Variants in VGLL4 observed in about 807,000 individuals in gnomAD.
VGLL4 encodes transcription cofactor vestigial-like protein 4.
In VGLL4, 7 loss-of-function variants were observed where a neutral mutation model predicts 21.0. The observed-to-expected ratio is 0.33, with a 90% CI of 0.19 to 0.63. The LOEUF (loss-of-function observed/expected upper bound fraction) is 0.63. Ranked by LOEUF, VGLL4 falls within the 20% of genes least tolerant of loss-of-function variation. VGLL4 has a pLI of 0.78. For synonymous variants in VGLL4, 222 were observed against 173.2 expected (o/e 1.28, Z -2.21); for missense variants, 394 against 425.7 (o/e 0.93, Z 0.66).
chr3:11,647,285 T>C (rs1427559257), upstream of VGLL4, among the ~76,000 whole-genome samples: 2 of 151,932 alleles, frequency 1.3e-5, no homozygotes, highest in Non-Finnish European at 2.9e-5. Context: ...CTTCTCGGTG[T>C]GCAGGACGTC....
intron 2 of VGLL4, among the ~76,000 whole-genome samples, chr3:11,680,119 C>G (rs1028624589): frequency 2.0e-5 from 3 of 152,220 alleles, no homozygotes; most frequent in African/African-American, 7.2e-5. Flanking sequence ...TGTGCAGTTG[C>G]GTGCCACAGG....
intron 3 of VGLL4, among the ~76,000 whole-genome samples, chr3:11,561,884 C>T (rs1240766266): frequency 2.1e-5 from 3 of 141,510 alleles, no homozygotes; most frequent in South Asian, 4.7e-4. Context: ...AGGCTGGCTG[C>T]GCCAAACTTT....
upstream of VGLL4, among the ~76,000 whole-genome samples, chr3:11,645,709 C>T (rs938430454): frequency 6.6e-6 from 1 of 151,758 alleles, no homozygotes; most frequent in Non-Finnish European, 1.5e-5. Flanking sequence ...CGGTGGCTCA[C>T]GCGTGTAATC....
At chr3:11,583,033 T>C (rs537605232) in intron 2 of VGLL4, among the ~76,000 whole-genome samples, 4 of 152,316 alleles carry the variant, frequency 2.6e-5, no homozygotes, top group Admixed American at 2.6e-4. Flanking sequence ...GCAGATGTCT[T>C]AGCCATACGC....
chr3:11,570,505 C>A (rs1189982908), intron 2 of VGLL4, among the ~76,000 whole-genome samples: 1 of 152,224 alleles, frequency 6.6e-6, no homozygotes, highest in East Asian at 1.9e-4. Flanking sequence ...CTGCAGCCCC[C>A]ACGCCCTAAT....
chr3:11,687,621 G>C (rs2076470331), intron 2 of VGLL4, among the ~76,000 whole-genome samples: 1 of 152,050 alleles, frequency 6.6e-6, no homozygotes, highest in African/African-American at 2.4e-5. Flanking sequence ...TGAGACTTTT[G>C]AGATAATTTC....
At chr3:11,693,357 T>A (rs949225061) in intron 2 of VGLL4, among the ~76,000 whole-genome samples, 3 of 152,124 alleles carry the variant, frequency 2.0e-5, no homozygotes, top group Non-Finnish European at 4.4e-5. Context: ...TCATTACCAA[T>A]AAATGTTTAC....
At chr3:11,634,450 C>T (rs1338323463) in intron 1 of VGLL4, among the ~76,000 whole-genome samples, 1 of 152,158 alleles carries the variant, frequency 6.6e-6, no homozygotes, top group Non-Finnish European at 1.5e-5. Flanking sequence ...CTATCTCTTG[C>T]CTAAGCCAGT....
chr3:11,600,686 G>A (rs1265587869), intron 2 of VGLL4, among the ~76,000 whole-genome samples: 2 of 152,198 alleles, frequency 1.3e-5, no homozygotes, highest in African/African-American at 2.4e-5. Flanking sequence ...ATGCGAGGAC[G>A]CTGGAGCTGA....
rs137997690 is a variant in VGLL4 at position 11,604,720 on chromosome 3, G to C, written c.83-2698C>G. 99 of 182,046 alleles carry C rather than the reference G, an allele frequency of 5.4e-4. 13 individuals carry two copies. The East Asian group carries it at 0.019, about 35-fold the overall frequency. 11.3% of individuals were successfully genotyped at this position (182,046 alleles called of 1,614,324 possible). Reference sequence around the variant, plus strand: ...TGGGCCTCCCTCCATACAACAAGGGGCTGGACTAGCTAATGTGTCATGTTC... The same window carrying C: ...TGGGCCTCCCTCCATACAACAAGGGCCTGGACTAGCTAATGTGTCATGTTC... On this transcript the variant is annotated intron_variant, in intron 1 of 4. Coordinates refer to ENST00000430365, the MANE Select transcript of VGLL4 (RefSeq NM_001128219.3).
At chr3:11,670,533 A>G (rs17035078) in intron 2 of VGLL4, among the ~76,000 whole-genome samples, 3,749 of 152,270 alleles carry the variant, frequency 0.025, 154 homozygotes, top group African/African-American at 0.085. Flanking sequence ...ACCATTAAAC[A>G]TTTTCAACAT....
chr3:11,562,650 C>T (rs757453270), intron 3 of VGLL4, among the ~76,000 whole-genome samples: 10 of 152,354 alleles, frequency 6.6e-5, no homozygotes, highest in Admixed American at 2.0e-4. Context: ...GCCTCAGCCC[C>T]GCCACGCTGC....
chr3:11,564,091 C>T (rs967090989), intron 3 of VGLL4, among the ~76,000 whole-genome samples: 1 of 152,212 alleles, frequency 6.6e-6, no homozygotes, highest in African/African-American at 2.4e-5. Context: ...CCTATTAGGT[C>T]GCAGTCCCTG....
chr3:11,627,002 C>T (rs1428903522), intron 1 of VGLL4, among the ~76,000 whole-genome samples: 3 of 152,072 alleles, frequency 2.0e-5, no homozygotes, highest in African/African-American at 7.2e-5. Flanking sequence ...GGCAAACATG[C>T]AAACGAGTGT....
At chr3:11,615,273 A>T (rs979016386) in intron 1 of VGLL4, among the ~76,000 whole-genome samples, 2 of 152,216 alleles carry the variant, frequency 1.3e-5, no homozygotes, top group African/African-American at 4.8e-5. Context: ...TATGCTGCTC[A>T]GTGAAGTTGT....
chr3:11,559,708 A>G (rs1575344922), intron 3 of VGLL4, among the ~76,000 whole-genome samples: 1 of 152,200 alleles, frequency 6.6e-6, no homozygotes, highest in African/African-American at 2.4e-5. Flanking sequence ...CAAAAGCTCA[A>G]CTGTTGAGTT....
At chr3:11,655,164 G>T (rs1037321626) in intron 2 of VGLL4, among the ~76,000 whole-genome samples, 8 of 152,194 alleles carry the variant, frequency 5.3e-5, no homozygotes, top group African/African-American at 1.9e-4. Context: ...GGATAATTTG[G>T]TAAATCTGCA....
At position 11,558,167 on chromosome 3, in the gene VGLL4, G is replaced by A. The variant is rs531231109; in HGVS notation, c.*389C>T. 27 of 256,124 alleles carry A rather than the reference G, an allele frequency of 1.1e-4. No homozygotes were observed. Among genetic ancestry groups the A allele is most frequent in the African/African-American group, 3.9e-4 (18 of 45,846 alleles). The allele number at this position is 256,124 out of a possible 1,614,324, so 15.9% of individuals were successfully genotyped here. A position where few individuals can be genotyped will look rare whatever the true frequency, so the allele number is the denominator to read the frequency against. Reference sequence around the variant, plus strand: ...GTGGAAGCTGAGCCACACACACCCCGGTCTCAAGAAGCAAAGGAAAAAGCA... The same window carrying A: ...GTGGAAGCTGAGCCACACACACCCCAGTCTCAAGAAGCAAAGGAAAAAGCA... On this transcript the variant is annotated 3_prime_UTR_variant, in exon 5 of 5. Transcript: ENST00000430365.
At chr3:11,711,728 A>G (rs1320783964) in intron 1 of VGLL4, among the ~76,000 whole-genome samples, 1 of 152,112 alleles carries the variant, frequency 6.6e-6, no homozygotes. Context: ...AAAAAAAAAT[A>G]AAAAAGAATT....
Sources: gnomAD v4.1 joint callset for allele counts (sites outside exome capture counted in the v4.1 genomes callset) on GRCh38, gnomAD v4.1.1 for gene constraint, MANE v1.5 for transcripts, NCBI Gene and HGNC (gene_info 2026-07-23, HGNC 2026-07-21) for gene names.